The following PARD3B variants were observed in gnomAD, a reference collection of about 807,000 sequenced individuals.
PARD3B encodes the protein par-3 family cell polarity regulator beta, also known as partitioning defective 3 homolog B.
Under a neutral mutation model 130.2 loss-of-function variants are expected in PARD3B, and 103 were observed. The observed-to-expected ratio is 0.79, with a 90% confidence interval of 0.67 to 0.93. The LOEUF (loss-of-function observed/expected upper bound fraction) is 0.93. PARD3B is among the 40% of genes least tolerant of loss of function. The pLI, the probability that PARD3B is intolerant of heterozygous loss-of-function variation, is 0.00. For missense variants in PARD3B, 1,609 were observed against 1,499.2 expected, an observed-to-expected ratio of 1.07 and a Z score of -1.21; for synonymous variants, 583 against 553.2, an observed-to-expected ratio of 1.05 and a Z score of -0.76.
chr2:205,408,935 C>G (rs1483796395), intron 19 of PARD3B, among the ~76,000 whole-genome samples: 3 of 151,960 alleles, frequency 2.0e-5, no homozygotes, highest in Non-Finnish European at 4.4e-5. Flanking sequence ...GGATTAGATC[C>G]CAGTTTTTCA....
chr2:204,721,098 G>A (rs954847275), intron 2 of PARD3B, among the ~76,000 whole-genome samples: 1 of 152,186 alleles, frequency 6.6e-6, no homozygotes, highest in Admixed American at 6.5e-5. Context: ...GCAAAGCAGG[G>A]TGGGGAAAGG....
chr2:205,332,601 C>T (rs1405774031), intron 18 of PARD3B, among the ~76,000 whole-genome samples: 1 of 152,196 alleles, frequency 6.6e-6, no homozygotes, highest in Non-Finnish European at 1.5e-5. Context: ...CGCCACCTAT[C>T]CTGAGTAGTG....
intron 1 of PARD3B, among the ~76,000 whole-genome samples, chr2:204,597,154 A>G (rs1274830463): frequency 6.6e-6 from 1 of 152,172 alleles, no homozygotes; most frequent in African/African-American, 2.4e-5. Context: ...TGCGGTGCCC[A>G]TGATCTTTGA....
At chr2:204,987,803 A>G (rs1693294133) in intron 3 of PARD3B, among the ~76,000 whole-genome samples, 1 of 151,904 alleles carries the variant, frequency 6.6e-6, no homozygotes, top group African/African-American at 2.4e-5. Context: ...AGAAAAAATT[A>G]GAAACATTAT....
At position 204,686,264 on chromosome 2, in the gene PARD3B, T is replaced by C; in HGVS notation, c.204T>C (p.Val68=). ...ATCCAGATGATGTCTTGGCAGATGTTGTTGAAGATAAAGACAAGGTAGATA... is the reference window on the plus strand; with the variant it reads ...ATCCAGATGATGTCTTGGCAGATGTCGTTGAAGATAAAGACAAGGTAGATA... ...ILDPDDVLAD[V]VEDKDKLIAV... Residue 68 remains valine, a synonymous_variant, in exon 2 of 23, where the codon GTT becomes GTC. Coordinates refer to ENST00000406610, the MANE Select transcript of PARD3B (RefSeq NM_001302769.2). The C allele has an allele frequency of 6.2e-7, 1 of 1,609,898 alleles. No individual in the cohort carries two copies. Among genetic ancestry groups the C allele is most frequent in the Non-Finnish European group, 8.5e-7 (1 of 1,176,336 alleles).
At position 205,104,430 on chromosome 2, in the gene PARD3B, C is replaced by G. The variant is rs765542446; in HGVS notation, c.509C>G (p.Ser170Cys). ...GQSLKLVVPD[S>C]TQNLEDREVL... is the part of the protein sequence containing the mutation. ...TATGACTTTGTTTCACTATAGGATT[C>G]CACGCAGAACTTGGAAGACAGAGAA... The change falls in exon 5 of 23, where the codon TCC becomes TGC. Residue 170 changes from serine to cysteine, a missense_variant. Physicochemically the swap from Ser to Cys is moderately radical, Grantham distance 112 (BLOSUM62 -1). Coordinates refer to ENST00000406610, the MANE Select transcript of PARD3B (RefSeq NM_001302769.2). 1.3e-6 allele frequency: 2 copies of G among 1,592,746 alleles called. No individual in the cohort carries two copies. Among genetic ancestry groups the G allele is most frequent in the Admixed American group, 3.3e-5 (2 of 59,956 alleles).
intron 18 of PARD3B, among the ~76,000 whole-genome samples, chr2:205,392,725 C>A (rs900702803): frequency 2.6e-5 from 4 of 152,064 alleles, no homozygotes; most frequent in Non-Finnish European, 4.4e-5. Context: ...TGCCATGGAA[C>A]GGATTTAGAG....
chr2:204,815,224 G>T (rs115488893), intron 2 of PARD3B, among the ~76,000 whole-genome samples: 2,150 of 151,938 alleles, frequency 0.014, 58 homozygotes, highest in African/African-American at 0.049. Context: ...GATTATTCAG[G>T]TTAATGAGCT....
chr2:205,286,310 A>T (rs1228863234), intron 16 of PARD3B, among the ~76,000 whole-genome samples: 1 of 152,140 alleles, frequency 6.6e-6, no homozygotes, highest in African/African-American at 2.4e-5. Context: ...GAGTTAATAG[A>T]TATATATAAG....
intron 2 of PARD3B, among the ~76,000 whole-genome samples, chr2:204,948,566 G>T (rs1689517957): frequency 6.6e-6 from 1 of 152,106 alleles, no homozygotes; most frequent in African/African-American, 2.4e-5. Context: ...TTTTTCCCCA[G>T]CACACAGAGA....
chr2:204,998,388 GTA>G lies in PARD3B; in HGVS notation c.394+33071_394+33072del, dbSNP rs1559341659. On this transcript the variant is annotated intron_variant, in intron 3 of 22. Transcript: ENST00000406610. Reference sequence around the variant, plus strand: ...TGTGTGTGTGTGTATATATGTGTGTGTATATATGTATATATGTGTATATATAT... The same window carrying G: ...TGTGTGTGTGTGTATATATGTGTGTGTATATGTATATATGTGTATATATAT... 1.7e-4 allele frequency among the ~76,000 whole-genome samples: 13 copies of G among 76,230 alleles called. 1 individual carries two copies. Among genetic ancestry groups the G allele is most frequent in the African/African-American group, 7.2e-4 (13 of 18,002 alleles). 50.0% of individuals were successfully genotyped at this position (76,230 alleles called of 152,430 possible). A position where few individuals can be genotyped will look rare whatever the true frequency, so the allele number is the denominator to read the frequency against.
intron 2 of PARD3B, among the ~76,000 whole-genome samples, chr2:204,832,574 C>G (rs561271260): frequency 9.2e-5 from 14 of 152,252 alleles, no homozygotes; most frequent in African/African-American, 3.4e-4. Flanking sequence ...TACTTAGGAA[C>G]AGCTGTGCAG....
At chr2:205,047,177 C>A (rs964423771) in intron 3 of PARD3B, among the ~76,000 whole-genome samples, 2 of 152,186 alleles carry the variant, frequency 1.3e-5, no homozygotes, top group Non-Finnish European at 2.9e-5. Flanking sequence ...GCAGTAATAA[C>A]TATACTTCCA....
At chr2:205,083,792 A>G (rs2125519704) in intron 4 of PARD3B, among the ~76,000 whole-genome samples, 1 of 151,982 alleles carries the variant, frequency 6.6e-6, no homozygotes, top group South Asian at 2.1e-4. Context: ...CATCTTTATG[A>G]TTGAATATTT....
At chr2:204,995,441 G>C (rs952803670) in intron 3 of PARD3B, among the ~76,000 whole-genome samples, 5 of 149,466 alleles carry the variant, frequency 3.3e-5, no homozygotes, top group Admixed American at 3.3e-4. Context: ...GGTTTCTGCC[G>C]AGAGATCCAC....
Position 205,190,948 on chromosome 2 carries a change from C to G in PARD3B, c.2025-2257C>G, listed in dbSNP as rs574297998. ...TTAGGCCAGGCTAGTGTCAATAACA[C>G]TAAGTGGGTCCAGGATTTTTGTTCA... On this transcript the variant is annotated intron_variant, in intron 14 of 22. Transcript: ENST00000406610. Among the ~76,000 whole-genome samples the G allele has an allele frequency of 5.3e-5, 8 of 151,750 alleles. No individual in the cohort carries two copies. The South Asian group carries it at 1.5e-3, about 28-fold the overall frequency.
intron 20 of PARD3B, among the ~76,000 whole-genome samples, chr2:205,474,687 A>C (rs1297037124): frequency 1.3e-5 from 2 of 152,184 alleles, no homozygotes; most frequent in African/African-American, 4.8e-5. Context: ...GGAAATGATG[A>C]ATCAAAGGCT....
At chr2:205,249,262 T>C (rs1324236452) in intron 16 of PARD3B, among the ~76,000 whole-genome samples, 1 of 151,574 alleles carries the variant, frequency 6.6e-6, no homozygotes. Context: ...GCTTTTATAC[T>C]ATCCAAGACC....
At position 204,563,217 on chromosome 2, in the gene PARD3B, G is replaced by GTCTGTC. The variant is rs1553541986; in HGVS notation, c.120+17101_120+17102insGTCTCT. ...CGTTTTTACATGCCGTCTTCCCGCT[G>GTCTGTC]TCTCTCTCTCTCTCTCTCTCTCTCT... On this transcript the variant is annotated intron_variant, in intron 1 of 22. Coordinates refer to ENST00000406610, the MANE Select transcript of PARD3B (RefSeq NM_001302769.2). Among the ~76,000 whole-genome samples, 154 of 86,638 alleles carry GTCTGTC rather than the reference G, an allele frequency of 1.8e-3. 2 individuals are homozygous for GTCTGTC. Among genetic ancestry groups the GTCTGTC allele is most frequent in the African/African-American group, 6.6e-3 (148 of 22,458 alleles). The allele number at this position is 86,638 out of a possible 152,430, so 56.8% of individuals were successfully genotyped here. A position where few individuals can be genotyped will look rare whatever the true frequency, so the allele number is the denominator to read the frequency against.
Sources: gnomAD v4.1 joint callset for allele counts (sites outside exome capture counted in the v4.1 genomes callset) on GRCh38, gnomAD v4.1.1 for gene constraint, MANE v1.5 for transcripts, NCBI Gene and HGNC (gene_info 2026-07-23, HGNC 2026-07-21) for gene names.